The following HPSE2 variants were observed in gnomAD, a reference collection of about 807,000 sequenced individuals.
The protein encoded by HPSE2 is inactive heparanase-2.
Under a neutral mutation model 60.5 loss-of-function variants are expected in HPSE2, and 38 were observed. The observed-to-expected ratio is 0.63, with a 90% CI of 0.48 to 0.82. HPSE2 has a LOEUF of 0.82. HPSE2 is among the 40% of genes least tolerant of loss of function. The pLI is 0.00. For missense variants in HPSE2, 713 were observed against 740.4 expected (o/e 0.96, Z 0.43); for synonymous variants, 295 against 293.2 (o/e 1.01, Z -0.06).
At chr10:99,165,887 C>T (rs558930973) in intron 2 of HPSE2, among the ~76,000 whole-genome samples, 4 of 152,188 alleles carry the variant, frequency 2.6e-5, no homozygotes, top group Non-Finnish European at 5.9e-5. Context: ...TAACCACTAG[C>T]CCATTACCAT....
intron 9 of HPSE2, among the ~76,000 whole-genome samples, chr10:98,544,548 A>G (rs1335191651): frequency 6.6e-6 from 1 of 151,622 alleles, no homozygotes; most frequent in African/African-American, 2.4e-5. Flanking sequence ...GTCTCTACTA[A>G]AAAACACAAA....
At chr10:99,015,866 T>C (rs1358668047) in intron 3 of HPSE2, among the ~76,000 whole-genome samples, 1 of 152,206 alleles carries the variant, frequency 6.6e-6, no homozygotes, top group Non-Finnish European at 1.5e-5. Flanking sequence ...TCTGTTCACT[T>C]CCTTTGCCCA....
chr10:99,138,867 T>G (rs1845761941), intron 3 of HPSE2, among the ~76,000 whole-genome samples: 1 of 152,190 alleles, frequency 6.6e-6, no homozygotes, highest in African/African-American at 2.4e-5. Flanking sequence ...GTTCTGCACA[T>G]GTACCCCAGA....
At position 99,129,172 on chromosome 10, in the gene HPSE2, C is replaced by G. The variant is rs187094127; in HGVS notation, c.610+15066G>C. On this transcript the variant is annotated intron_variant, in intron 3 of 11. Coordinates refer to ENST00000370552, the MANE Select transcript of HPSE2 (RefSeq NM_021828.5). ...TAAAACAATGAAATGAGATACACAG[C>G]AACACAATAATGGTGGGGGACTTCA... Among the ~76,000 whole-genome samples, 271 of 152,160 alleles carry G rather than the reference C, an allele frequency of 1.8e-3. 1 individual carries two copies. Among genetic ancestry groups the G allele is most frequent in the Non-Finnish European group, 3.0e-3 (206 of 67,986 alleles).
chr10:99,030,424 C>T (rs1032310603), intron 3 of HPSE2, among the ~76,000 whole-genome samples: 2 of 152,120 alleles, frequency 1.3e-5, no homozygotes, highest in South Asian at 2.1e-4. Flanking sequence ...CAGAGAAATA[C>T]AAATGAAAAC....
intron 3 of HPSE2, among the ~76,000 whole-genome samples, chr10:98,995,855 G>A (rs1956630828): frequency 6.6e-6 from 1 of 152,092 alleles, no homozygotes; most frequent in Non-Finnish European, 1.5e-5. Context: ...TGGACAATGA[G>A]TACATGAAAA....
chr10:98,750,496 A>G (rs1257971871), intron 3 of HPSE2, among the ~76,000 whole-genome samples: 1 of 152,172 alleles, frequency 6.6e-6, no homozygotes, highest in East Asian at 1.9e-4. Flanking sequence ...CAAGGGTGAA[A>G]GCAAGGAAAT....
intron 3 of HPSE2, among the ~76,000 whole-genome samples, chr10:98,939,941 C>T (rs1311189638): frequency 7.0e-6 from 1 of 143,628 alleles, no homozygotes; most frequent in Non-Finnish European, 1.5e-5. Context: ...CTCAAAACCG[C>T]TCAACTACAT....
At chr10:99,042,693 C>A (rs1341481472) in intron 3 of HPSE2, among the ~76,000 whole-genome samples, 8 of 151,968 alleles carry the variant, frequency 5.3e-5, no homozygotes, top group Admixed American at 2.0e-4. Context: ...ATCTCTGCCA[C>A]TGCCTCTGCC....
intron 3 of HPSE2, among the ~76,000 whole-genome samples, chr10:98,911,472 G>A (rs1953977184): frequency 6.6e-6 from 1 of 152,158 alleles, no homozygotes; most frequent in Admixed American, 6.6e-5. Flanking sequence ...ATGAATAGGA[G>A]CTCACAGACC....
chr10:98,529,727 C>T (rs552466719), intron 9 of HPSE2, among the ~76,000 whole-genome samples: 3 of 152,278 alleles, frequency 2.0e-5, no homozygotes, highest in African/African-American at 7.2e-5. Context: ...GGTTTGGAAG[C>T]TCTCCTTTCT....
intron 3 of HPSE2, among the ~76,000 whole-genome samples, chr10:99,037,187 C>G (rs1285708957): frequency 2.0e-5 from 3 of 152,040 alleles, no homozygotes. Context: ...AAGAAAAGAG[C>G]AAGGAATTAC....
At chr10:98,523,348 G>C (rs1258527419) in intron 9 of HPSE2, among the ~76,000 whole-genome samples, 1 of 152,090 alleles carries the variant, frequency 6.6e-6, no homozygotes, top group African/African-American at 2.4e-5. Flanking sequence ...TTAGCTATGG[G>C]GTTCTACAGA....
chr10:99,222,574 C>A (rs1849349131), intron 2 of HPSE2, among the ~76,000 whole-genome samples: 1 of 152,116 alleles, frequency 6.6e-6, no homozygotes, highest in African/African-American at 2.4e-5. Flanking sequence ...CAAATATTCT[C>A]AAAATTGTCC....
At chr10:98,513,424 G>A (rs1388454925) in intron 9 of HPSE2, among the ~76,000 whole-genome samples, 2 of 152,162 alleles carry the variant, frequency 1.3e-5, no homozygotes, top group Non-Finnish European at 2.9e-5. Flanking sequence ...CTAGAGAATT[G>A]AGTGGAATGG....
chr10:98,919,029 G>A (rs1386002381), intron 3 of HPSE2, among the ~76,000 whole-genome samples: 4 of 151,852 alleles, frequency 2.6e-5, no homozygotes, highest in Non-Finnish European at 5.9e-5. Context: ...TTAAGAAAAA[G>A]GCACAAATAA....
At chr10:99,292,588 A>T in the HPSE2 span, among the ~76,000 whole-genome samples, 9 of 152,284 alleles carry the variant, frequency 5.9e-5, no homozygotes, top group Non-Finnish European at 1.3e-4. Flanking sequence ...CACAAATATG[A>T]GCCACACATA....
At chr10:98,479,754 C>T (rs528525555) in intron 11 of HPSE2, among the ~76,000 whole-genome samples, 1 of 152,300 alleles carries the variant, frequency 6.6e-6, no homozygotes, top group African/African-American at 2.4e-5. Flanking sequence ...CCCTTGAATT[C>T]CAATCCAAAA....
intron 2 of HPSE2, among the ~76,000 whole-genome samples, chr10:99,213,331 A>T (rs1260046214): frequency 6.6e-6 from 1 of 152,178 alleles, no homozygotes; most frequent in Admixed American, 6.5e-5. Flanking sequence ...TTCAACATTG[A>T]TGATTTGCTT....
Sources: gnomAD v4.1 joint callset for allele counts (sites outside exome capture counted in the v4.1 genomes callset) on GRCh38, gnomAD v4.1.1 for gene constraint, MANE v1.5 for transcripts, NCBI Gene and HGNC (gene_info 2026-07-23, HGNC 2026-07-21) for gene names.